NAALADL2: variants seen among roughly 807,000 people sequenced by gnomAD.
NAALADL2 encodes inactive N-acetylated-alpha-linked acidic dipeptidase-like protein 2.
Under a neutral mutation model 87.2 loss-of-function variants are expected in NAALADL2, and 76 were observed. That is an observed-to-expected ratio of 0.87 (90% CI 0.72 to 1.05). NAALADL2 has a LOEUF of 1.05. NAALADL2 is among the 50% of genes least tolerant of loss of function. NAALADL2 has a pLI of 0.00. For synonymous variants in NAALADL2, 354 were observed against 331.0 expected (o/e 1.07, Z -0.75); for missense variants, 1,089 against 945.8 (o/e 1.15, Z -1.99).
intron 13 of NAALADL2, among the ~76,000 whole-genome samples, chr3:175,795,483 CT>C (rs1398708335): frequency 1.3e-5 from 2 of 150,300 alleles, no homozygotes; most frequent in African/African-American, 4.9e-5. Context: ...ACCATTCTGG[CT>C]AATACAGTGA....
At chr3:175,196,882 G>A (rs1158830889) in intron 2 of NAALADL2, among the ~76,000 whole-genome samples, 2 of 151,774 alleles carry the variant, frequency 1.3e-5, no homozygotes, top group African/African-American at 4.8e-5. Flanking sequence ...TTTTTTGTGT[G>A]TAATGTCATG....
intron 13 of NAALADL2, among the ~76,000 whole-genome samples, chr3:175,778,180 A>T (rs1273504772): frequency 6.6e-6 from 1 of 152,204 alleles, no homozygotes; most frequent in Non-Finnish European, 1.5e-5. Context: ...AGGGATGTGG[A>T]GGAAGGGAGT....
At chr3:174,954,937 G>C (rs1175435781) in intron 1 of NAALADL2, among the ~76,000 whole-genome samples, 1 of 152,066 alleles carries the variant, frequency 6.6e-6, no homozygotes, top group Non-Finnish European at 1.5e-5. Context: ...ATTGTGGTTA[G>C]TGTAGATTTC....
chr3:174,637,575 G>T (rs1490237635), intron 2 of NAALADL2, among the ~76,000 whole-genome samples: 1 of 151,818 alleles, frequency 6.6e-6, no homozygotes, highest in Non-Finnish European at 1.5e-5. Context: ...AATTCATAAT[G>T]TTCACTGAAG....
At chr3:175,524,009 C>G (rs1326503362) in intron 9 of NAALADL2, among the ~76,000 whole-genome samples, 1 of 152,174 alleles carries the variant, frequency 6.6e-6, no homozygotes, top group East Asian at 1.9e-4. Context: ...TAGCATGATG[C>G]TGTCACCCGA....
At chr3:175,033,964 T>C (rs1361768517) in intron 1 of NAALADL2, among the ~76,000 whole-genome samples, 1 of 152,206 alleles carries the variant, frequency 6.6e-6, no homozygotes, top group Non-Finnish European at 1.5e-5. Context: ...GCAAAACGTA[T>C]GAAGCCTCAC....
intron 2 of NAALADL2, among the ~76,000 whole-genome samples, chr3:175,174,150 A>G (rs1735308170): frequency 6.6e-6 from 1 of 152,194 alleles, no homozygotes. Flanking sequence ...TGTAGTATAA[A>G]ATGTGGACAC....
At chr3:174,862,569 A>G (rs1469836573) in intron 1 of NAALADL2, among the ~76,000 whole-genome samples, 1 of 152,026 alleles carries the variant, frequency 6.6e-6, no homozygotes, top group Non-Finnish European at 1.5e-5. Flanking sequence ...AGCTCCTGCT[A>G]CCTCAGGAAT....
rs542266027 is a variant in NAALADL2, at chr3:175,255,517, G to T, written c.820-894G>T. 4.8e-3 allele frequency among the ~76,000 whole-genome samples: 730 copies of T among 152,140 alleles called. 3 individuals are homozygous for T. Among genetic ancestry groups the T allele is most frequent in the Non-Finnish European group, 8.4e-3 (571 of 67,980 alleles). ...ATATATGCTATAATTTGAAATAGCAGATTTACATTATAATATAATCATTGG... is the reference window on the plus strand; with the variant it reads ...ATATATGCTATAATTTGAAATAGCATATTTACATTATAATATAATCATTGG... On this transcript the variant is annotated intron_variant, in intron 3 of 13. Transcript: ENST00000454872.
chr3:174,762,320 AT>A (rs1713124616), intron 3 of NAALADL2, among the ~76,000 whole-genome samples: 1 of 149,108 alleles, frequency 6.7e-6, no homozygotes, highest in Non-Finnish European at 1.5e-5. Context: ...CGCCTGGCTA[AT>A]TTTTTGTATT....
At position 175,601,913 on chromosome 3, in the gene NAALADL2, A is replaced by G. The variant is rs151161749; in HGVS notation, c.1801-25378A>G. Among the ~76,000 whole-genome samples, 1,501 of 152,310 alleles carry G rather than the reference A, an allele frequency of 9.9e-3. 26 individuals carry two copies. The highest frequency in any genetic ancestry group is 0.035 in the African/African-American group (1,445 of 41,578). On this transcript the variant is annotated intron_variant, in intron 10 of 13. Coordinates refer to ENST00000454872, the MANE Select transcript of NAALADL2 (RefSeq NM_207015.3). ...GTTATAAAACTTTTGCTTTAGCAGA[A>G]TTAAGCTGCGTGCTTCTTAGAATTT...
chr3:174,634,274 T>C (rs1212198746), intron 2 of NAALADL2, among the ~76,000 whole-genome samples: 1 of 152,182 alleles, frequency 6.6e-6, no homozygotes, highest in Non-Finnish European at 1.5e-5. Context: ...CAGAAGATCA[T>C]ATTCTACTTG....
chr3:175,073,786 T>C (rs1716082822), intron 1 of NAALADL2, among the ~76,000 whole-genome samples: 2 of 152,022 alleles, frequency 1.3e-5, no homozygotes, highest in African/African-American at 4.8e-5. Context: ...TGCTGAATAC[T>C]CATTATTTTA....
At chr3:175,728,478 C>A (rs1340681017) in intron 11 of NAALADL2, among the ~76,000 whole-genome samples, 4 of 152,142 alleles carry the variant, frequency 2.6e-5, no homozygotes, top group African/African-American at 4.8e-5. Context: ...GGAAAGGGGT[C>A]GTGAGGACTG....
chr3:175,634,222 G>A (rs1048932362), intron 11 of NAALADL2, among the ~76,000 whole-genome samples: 4 of 151,634 alleles, frequency 2.6e-5, no homozygotes, highest in South Asian at 2.1e-4. Context: ...GCTGTCAATC[G>A]TCCTTAGAGT....
At chr3:175,490,790 G>A (rs896038322) in intron 9 of NAALADL2, among the ~76,000 whole-genome samples, 3 of 151,976 alleles carry the variant, frequency 2.0e-5, no homozygotes, top group Non-Finnish European at 2.9e-5. Context: ...AAGTTACAAC[G>A]AAAGAAAATG....
intron 9 of NAALADL2, among the ~76,000 whole-genome samples, chr3:175,572,299 T>G (rs1718197656): frequency 6.6e-6 from 1 of 151,680 alleles, no homozygotes; most frequent in Non-Finnish European, 1.5e-5. Context: ...TCTCCATAAA[T>G]AGTCCACATG....
chr3:175,253,285 A>T (rs1749374484), intron 3 of NAALADL2, among the ~76,000 whole-genome samples: 1 of 152,194 alleles, frequency 6.6e-6, no homozygotes, highest in Admixed American at 6.5e-5. Flanking sequence ...TAGGGTCCTT[A>T]AGAATTATGC....
At chr3:174,735,990 AGTGGG>A (rs1409666342) in intron 2 of NAALADL2, among the ~76,000 whole-genome samples, 1 of 152,118 alleles carries the variant, frequency 6.6e-6, no homozygotes, top group East Asian at 1.9e-4. Flanking sequence ...CACTGGCTGC[AGTGGG>A]GTGGGCAGCT....
Sources: gnomAD v4.1 joint callset for allele counts (sites outside exome capture counted in the v4.1 genomes callset) on GRCh38, gnomAD v4.1.1 for gene constraint, MANE v1.5 for transcripts, NCBI Gene and HGNC (gene_info 2026-07-23, HGNC 2026-07-21) for gene names.